The following SLC39A14 variants were observed in gnomAD, a reference collection of about 807,000 sequenced individuals.
SLC39A14 encodes metal cation symporter ZIP14.
In SLC39A14, 19 loss-of-function variants were observed where a neutral mutation model predicts 45.5. The observed-to-expected ratio is 0.42, with a 90% CI of 0.29 to 0.61. SLC39A14 has a LOEUF of 0.61. SLC39A14 is among the 20% of genes least tolerant of loss of function. SLC39A14 has a pLI of 0.22. For missense variants in SLC39A14, 447 were observed against 616.5 expected (o/e 0.73, Z 2.91); for synonymous variants, 264 against 251.3 (o/e 1.05, Z -0.48).
At chr8:22,409,892 G>A (rs1835466088) in intron 3 of SLC39A14, 2 of 1,599,026 alleles carry the variant, frequency 1.3e-6, no homozygotes, top group Non-Finnish European at 8.6e-7. Context: ...CAGGCAGCAG[G>A]AGTGTCCCCA....
At position 22,420,591 on chromosome 8, in the gene SLC39A14, CTG is replaced by C. The variant is rs1836169915; in HGVS notation, c.*897_*898del. 1 of 985,286 alleles carries C rather than the reference CTG, an allele frequency of 1.0e-6. No individual in the cohort carries two copies. The highest frequency in any genetic ancestry group is 1.2e-6 in the Non-Finnish European group (1 of 829,934). 61.0% of individuals were successfully genotyped at this position (985,286 alleles called of 1,614,324 possible). On this transcript the variant is annotated 3_prime_UTR_variant, in exon 9 of 9. Coordinates refer to ENST00000381237, the MANE Select transcript of SLC39A14 (RefSeq NM_001128431.4). ...CACATTCTGAGCACATTTGAGACCT[CTG>C]TGTTAGAGGGGAGACTGCACAAACT...
chr8:22,427,544 C>A (rs941343716), downstream of SLC39A14, among the ~76,000 whole-genome samples: 5 of 151,474 alleles, frequency 3.3e-5, no homozygotes, highest in Non-Finnish European at 5.9e-5. Context: ...TCTTGAGTAT[C>A]CTCCCAGAAT....
Position 22,400,108 on chromosome 8 carries a change from G to A in SLC39A14, c.-15-4588G>A, listed in dbSNP as rs1834770828. On this transcript the variant is annotated intron_variant, in intron 1 of 8. Transcript: ENST00000381237. ...TCTGCACAGAGACACGCAGGACTTT[G>A]TGGATCTCCGTGGGTTCCAGGACAT... 2.0e-5 allele frequency among the ~76,000 whole-genome samples: 3 copies of A among 152,202 alleles called. No homozygotes were observed. In the South Asian group the frequency reaches 6.2e-4, roughly 32 times the overall value.
intron 3 of SLC39A14, among the ~76,000 whole-genome samples, chr8:22,410,713 T>A (rs2132336713): frequency 6.6e-6 from 1 of 152,334 alleles, no homozygotes; most frequent in Non-Finnish European, 1.5e-5. Context: ...GCATCTTGAC[T>A]TTTTTCTGAT....
intron 1 of SLC39A14, among the ~76,000 whole-genome samples, chr8:22,386,951 T>C (rs1833825864): frequency 6.6e-6 from 1 of 151,980 alleles, no homozygotes; most frequent in South Asian, 2.1e-4. Context: ...GGCGGGAGGA[T>C]CTCTGAGCCA....
At chr8:22,405,050 T>C in intron 2 of SLC39A14, 70 bp downstream of exon 2, 5 of 1,508,576 alleles carry the variant, frequency 3.3e-6, no homozygotes, top group Non-Finnish European at 3.6e-6. Flanking sequence ...CCCTGTCTAG[T>C]TGGGCCCAGG....
At chr8:22,426,343 C>T (rs893839929), downstream of SLC39A14, among the ~76,000 whole-genome samples, 9 of 151,948 alleles carry the variant, frequency 5.9e-5, no homozygotes, top group East Asian at 3.9e-4. Flanking sequence ...TACAGGCATG[C>T]GCCACCACAC....
At chr8:22,375,621 C>T (rs1253199628) in intron 1 of SLC39A14, among the ~76,000 whole-genome samples, 1 of 152,050 alleles carries the variant, frequency 6.6e-6, no homozygotes, top group Non-Finnish European at 1.5e-5. Flanking sequence ...CTAATAATAG[C>T]TGGGATTACA....
In SLC39A14 at chr8:22,371,414, C is replaced by CTTTTTTTTTTT. The variant is rs373230777; in HGVS notation, c.-16+4033_-16+4043dup. ...GGATATCTAAAAAAAAAATACATGT[C>CTTTTTTTTTTT]TTTTTTTTTTTTTTTTTTTTTTTTT... On this transcript the variant is annotated intron_variant, in intron 1 of 8. Coordinates refer to ENST00000381237, the MANE Select transcript of SLC39A14 (RefSeq NM_001128431.4). Among the ~76,000 whole-genome samples the CTTTTTTTTTTT allele has an allele frequency of 3.7e-4, 45 of 120,124 alleles. 6 individuals are homozygous for CTTTTTTTTTTT. The highest frequency in any genetic ancestry group is 6.1e-4 in the Non-Finnish European group (30 of 49,478). 78.8% of individuals were successfully genotyped at this position (120,124 alleles called of 152,430 possible). A position where few individuals can be genotyped will look rare whatever the true frequency, so the allele number is the denominator to read the frequency against.
At chr8:22,424,449 T>G (rs1020751526), downstream of SLC39A14, among the ~76,000 whole-genome samples, 1 of 152,218 alleles carries the variant, frequency 6.6e-6, no homozygotes, top group Non-Finnish European at 1.5e-5. Flanking sequence ...AAAACAAGAA[T>G]AATATATGAA....
chr8:22,404,075 C>T (rs202043971), intron 1 of SLC39A14, among the ~76,000 whole-genome samples: 47,194 of 151,696 alleles, frequency 0.31, 10,101 homozygotes, highest in African/African-American at 0.62. Context: ...AAGCAGTCCC[C>T]AGATATAAGA....
chr8:22,404,280 G>C (rs1368223131), intron 1 of SLC39A14, among the ~76,000 whole-genome samples: 1 of 151,966 alleles, frequency 6.6e-6, no homozygotes, highest in African/African-American at 2.4e-5. Context: ...AAAAAAATTA[G>C]TTGGGTGTGG....
chr8:22,405,057 C>A, intron 2 of SLC39A14, 77 bp downstream of exon 2: 1 of 1,438,714 alleles, frequency 7.0e-7, no homozygotes, highest in East Asian at 2.3e-5. Context: ...TAGTTGGGCC[C>A]AGGGCAGCCT....
At chr8:22,394,098 C>T (rs1344834974) in intron 1 of SLC39A14, among the ~76,000 whole-genome samples, 8 of 151,576 alleles carry the variant, frequency 5.3e-5, no homozygotes, top group East Asian at 1.9e-4. Context: ...CCTCTGCCTC[C>T]GGGGTTCAAG....
At chr8:22,402,773 A>C (rs1393347102) in intron 1 of SLC39A14, among the ~76,000 whole-genome samples, 2 of 145,996 alleles carry the variant, frequency 1.4e-5, no homozygotes, top group Non-Finnish European at 1.5e-5. Context: ...CATTTCAAAA[A>C]AAAAAAAAAA....
At position 22,419,855 on chromosome 8, in the gene SLC39A14, A is replaced by C; in HGVS notation, c.*157A>C. On this transcript the variant is annotated 3_prime_UTR_variant, in exon 9 of 9. Transcript: ENST00000381237. ...CATTCAAATGTCAGCCGTTTGTAAA[A>C]TGCTGTATCCTAGGAATAAGCTGCC... 1 of 1,357,790 alleles carries C rather than the reference A, an allele frequency of 7.4e-7. No individual in the cohort carries two copies. The highest frequency in any genetic ancestry group is 9.5e-7 in the Non-Finnish European group (1 of 1,058,194). The allele number at this position is 1,357,790 out of a possible 1,614,324, so 84.1% of individuals were successfully genotyped here. A position where few individuals can be genotyped will look rare whatever the true frequency, so the allele number is the denominator to read the frequency against.
chr8:22,374,026 G>A (rs1266236869), intron 1 of SLC39A14, among the ~76,000 whole-genome samples: 1 of 149,276 alleles, frequency 6.7e-6, no homozygotes, highest in African/African-American at 2.4e-5. Context: ...CCGAAGTGCT[G>A]GGACTGAAGT....
intron 1 of SLC39A14, among the ~76,000 whole-genome samples, chr8:22,396,730 C>T (rs1031920455): frequency 4.6e-5 from 7 of 151,676 alleles, no homozygotes; most frequent in Non-Finnish European, 7.4e-5. Flanking sequence ...TGCTCTTCCC[C>T]GGTAGCTTTT....
intron 1 of SLC39A14, among the ~76,000 whole-genome samples, chr8:22,403,511 C>T (rs1219608004): frequency 1.3e-5 from 2 of 150,886 alleles, no homozygotes; most frequent in Non-Finnish European, 3.0e-5. Flanking sequence ...GAACTCCTGA[C>T]CTTGTGATCC....
Sources: gnomAD v4.1 joint callset for allele counts (sites outside exome capture counted in the v4.1 genomes callset) on GRCh38, gnomAD v4.1.1 for gene constraint, MANE v1.5 for transcripts, NCBI Gene and HGNC (gene_info 2026-07-23, HGNC 2026-07-21) for gene names.